SMAP1: variants seen among roughly 807,000 people sequenced by gnomAD.
SMAP1 encodes the protein small ArfGAP 1, also known as stromal membrane-associated protein 1.
SMAP1 carries 24 observed loss-of-function variants against 58.5 expected under a neutral mutation model. That is an observed-to-expected ratio of 0.41 (90% confidence interval 0.30 to 0.58). The LOEUF is 0.58. SMAP1 is among the 20% of genes least tolerant of loss of function. SMAP1 has a pLI of 0.29. For missense variants in SMAP1, 563 were observed against 566.3 expected, an observed-to-expected ratio of 0.99 and a Z score of 0.06; for synonymous variants, 216 against 196.6, an observed-to-expected ratio of 1.10 and a Z score of -0.82.
At chr6:70,740,549 C>A (rs1015240930) in intron 2 of SMAP1, among the ~76,000 whole-genome samples, 1 of 150,974 alleles carries the variant, frequency 6.6e-6, no homozygotes, top group Non-Finnish European at 1.5e-5. Context: ...TTATCTGGAC[C>A]ATCTCCTTTT....
At position 70,836,957 on chromosome 6, in the gene SMAP1, A is replaced by G; in HGVS notation, c.593A>G (p.Gln198Arg). 6.3e-7 allele frequency: 1 copy of G among 1,597,072 alleles called. No homozygotes were observed. The highest frequency in any genetic ancestry group is 1.7e-5 in the Admixed American group (1 of 58,368). ...LTAEKLQKKD[Q>R]QLEPKKSTSP... is the part of the protein sequence containing the mutation. ...ACTTTAAAGCTGCAGAAGAAAGATCAGCAACTGGAGCCTAAAAAAAGTACC... is the reference window on the plus strand; with the variant it reads ...ACTTTAAAGCTGCAGAAGAAAGATCGGCAACTGGAGCCTAAAAAAAGTACC... The change falls in exon 7 of 11, where the codon CAG becomes CGG. Residue 198 changes from glutamine (Q) to arginine (R), a missense_variant. Transcript: ENST00000370455.
intron 7 of SMAP1, among the ~76,000 whole-genome samples, chr6:70,851,561 G>T (rs1327503319): frequency 6.6e-6 from 1 of 152,226 alleles, no homozygotes; most frequent in Non-Finnish European, 1.5e-5. Flanking sequence ...GGCTGGAGTT[G>T]TGATGCTCTG....
intron 1 of SMAP1, among the ~76,000 whole-genome samples, chr6:70,681,240 G>A (rs535521903): frequency 6.6e-6 from 1 of 151,882 alleles, no homozygotes; most frequent in Non-Finnish European, 1.5e-5. Context: ...GCAAAATGAC[G>A]AAACTCTGTC....
At chr6:70,822,962 A>G (rs1017234522) in intron 6 of SMAP1, among the ~76,000 whole-genome samples, 1 of 151,352 alleles carries the variant, frequency 6.6e-6, no homozygotes, top group African/African-American at 2.4e-5. Flanking sequence ...TTCAATTCTG[A>G]TCTCTTTATT....
chr6:70,710,060 C>G (rs999314931), intron 1 of SMAP1, among the ~76,000 whole-genome samples: 1 of 152,094 alleles, frequency 6.6e-6, no homozygotes, highest in Non-Finnish European at 1.5e-5. Context: ...TCTAGGCTGT[C>G]ATGGTATAGC....
chr6:70,723,914 G>A (rs908589827), intron 1 of SMAP1, among the ~76,000 whole-genome samples: 4 of 151,262 alleles, frequency 2.6e-5, no homozygotes, highest in African/African-American at 7.3e-5. Context: ...TCTTTCAAAG[G>A]TTTTATTTTC....
At chr6:70,676,018 G>A (rs6920932) in intron 1 of SMAP1, among the ~76,000 whole-genome samples, 18 of 152,318 alleles carry the variant, frequency 1.2e-4, no homozygotes, top group African/African-American at 4.1e-4. Flanking sequence ...TCTCTGATGA[G>A]CATCCCTGGT....
At chr6:70,672,053 C>T (rs889812470) in intron 1 of SMAP1, among the ~76,000 whole-genome samples, 1 of 152,162 alleles carries the variant, frequency 6.6e-6, no homozygotes, top group Non-Finnish European at 1.5e-5. Flanking sequence ...AGATCAAACA[C>T]TCGTTTCTTT....
Position 70,725,093 on chromosome 6 carries a change from G to GTTTTTTTTTTTTTTTTTTTTT in SMAP1, c.119-7264_119-7244dup, listed in dbSNP as rs745587315. On this transcript the variant is annotated intron_variant, in intron 1 of 10. Transcript: ENST00000370455. ...GACTCCATATCCTAAATTAACCAGTGTTTTTTTTTTTTTTTTTTTTTTTTT... is the reference window on the plus strand; with the variant it reads ...GACTCCATATCCTAAATTAACCAGTGTTTTTTTTTTTTTTTTTTTTTTTTTTTTTTTTTTTTTTTTTTTTTT... 1.0e-4 allele frequency among the ~76,000 whole-genome samples: 5 copies of GTTTTTTTTTTTTTTTTTTTTT among 47,820 alleles called. 1 individual carries two copies. The highest frequency in any genetic ancestry group is 2.0e-4 in the Non-Finnish European group (5 of 24,996). 31.4% of individuals were successfully genotyped at this position (47,820 alleles called of 152,430 possible). A position where few individuals can be genotyped will look rare whatever the true frequency, so the allele number is the denominator to read the frequency against.
At chr6:70,834,516 A>T (rs905238433) in intron 6 of SMAP1, among the ~76,000 whole-genome samples, 1 of 152,214 alleles carries the variant, frequency 6.6e-6, no homozygotes, top group Admixed American at 6.5e-5. Flanking sequence ...TTTATTTTCA[A>T]CTTCAAAGTT....
At chr6:70,811,900 T>G (rs1173263794) in intron 6 of SMAP1, among the ~76,000 whole-genome samples, 1 of 152,120 alleles carries the variant, frequency 6.6e-6, no homozygotes, top group Admixed American at 6.6e-5. Context: ...TCGTACCAAA[T>G]CTTGTATATA....
intron 4 of SMAP1, among the ~76,000 whole-genome samples, chr6:70,774,935 A>G (rs1308938675): frequency 1.3e-5 from 2 of 151,940 alleles, no homozygotes; most frequent in Non-Finnish European, 2.9e-5. Context: ...GCTTGCATCC[A>G]GGAGGCAGAG....
At chr6:70,795,691 T>C (rs1040518242) in intron 5 of SMAP1, among the ~76,000 whole-genome samples, 3 of 152,118 alleles carry the variant, frequency 2.0e-5, no homozygotes, top group African/African-American at 7.2e-5. Context: ...CAATAACTAA[T>C]AGCTCTGAGA....
chr6:70,810,444 A>G (rs989790641), intron 6 of SMAP1, among the ~76,000 whole-genome samples: 5 of 152,212 alleles, frequency 3.3e-5, no homozygotes, highest in Admixed American at 2.0e-4. Context: ...AATGATCACT[A>G]ATGCCTTGGC....
chr6:70,772,225 C>T (rs1185670166), intron 3 of SMAP1, among the ~76,000 whole-genome samples: 1 of 152,098 alleles, frequency 6.6e-6, no homozygotes, highest in Non-Finnish European at 1.5e-5. Flanking sequence ...CGTAAGAAAA[C>T]AACATTATTC....
At chr6:70,790,052 A>T (rs2149941183) in intron 4 of SMAP1, among the ~76,000 whole-genome samples, 1 of 152,260 alleles carries the variant, frequency 6.6e-6, no homozygotes, top group East Asian at 1.9e-4. Flanking sequence ...TTATCCTTTT[A>T]TATTTTTGTT....
chr6:70,836,266 A>C (rs1770579822), intron 6 of SMAP1, among the ~76,000 whole-genome samples: 1 of 152,310 alleles, frequency 6.6e-6, no homozygotes, highest in South Asian at 2.1e-4. Context: ...GGCAAGGAAG[A>C]GCAAGTCACA....
chr6:70,852,264 G>A (rs1771213600), intron 7 of SMAP1, among the ~76,000 whole-genome samples: 1 of 152,048 alleles, frequency 6.6e-6, no homozygotes, highest in South Asian at 2.1e-4. Context: ...AAATTAGGGT[G>A]CAAAATAATG....
intron 7 of SMAP1, among the ~76,000 whole-genome samples, chr6:70,839,169 T>A (rs1770710818): frequency 6.6e-6 from 1 of 152,210 alleles, no homozygotes; most frequent in African/African-American, 2.4e-5. Context: ...TTTCTGTGGG[T>A]CAGCTAGGGC....
Sources: gnomAD v4.1 joint callset for allele counts (sites outside exome capture counted in the v4.1 genomes callset) on GRCh38, gnomAD v4.1.1 for gene constraint, MANE v1.5 for transcripts, NCBI Gene and HGNC (gene_info 2026-07-23, HGNC 2026-07-21) for gene names.